CSNK1G2: variants seen among roughly 807,000 people sequenced by gnomAD.
CSNK1G2 encodes casein kinase I isoform gamma-2.
In CSNK1G2, 11 loss-of-function variants were observed where a neutral mutation model predicts 48.0. That is an observed-to-expected ratio of 0.23 (90% CI 0.14 to 0.38). The LOEUF is 0.38. Ranked by LOEUF, CSNK1G2 falls within the 10% of genes least tolerant of loss-of-function variation. The pLI is 1.00. For missense variants in CSNK1G2, 446 were observed against 595.5 expected (o/e 0.75, Z 2.61); for synonymous variants, 337 against 254.1 (o/e 1.33, Z -3.10).
chr19:1,975,624 C>T (rs904256880), intron 2 of CSNK1G2: 3 of 985,356 alleles, frequency 3.0e-6, no homozygotes, highest in Non-Finnish European at 3.6e-6. Context: ...GTGAATCCCA[C>T]CTCCGAAGGG....
At chr19:1,967,853 C>CCAT (rs2015420984) in intron 1 of CSNK1G2, among the ~76,000 whole-genome samples, 1 of 46,292 alleles carries the variant, frequency 2.2e-5, no homozygotes, top group African/African-American at 9.2e-5. Context: ...TGGGGCTCCT[C>CCAT]CCTCCTCCCT....
intron 1 of CSNK1G2, among the ~76,000 whole-genome samples, chr19:1,949,218 C>A (rs1203831792): frequency 6.6e-6 from 1 of 152,214 alleles, no homozygotes; most frequent in African/African-American, 2.4e-5. Flanking sequence ...GAGCCCTGGC[C>A]CCATCAGCAG....
Position 1,979,172 on chromosome 19 carries a change from G to T in CSNK1G2, c.692G>T (p.Arg231Leu). The T allele has an allele frequency of 6.5e-7, 1 of 1,527,776 alleles. No homozygotes were observed. 94.6% of individuals were successfully genotyped at this position (1,527,776 alleles called of 1,614,324 possible). A position where few individuals can be genotyped will look rare whatever the true frequency, so the allele number is the denominator to read the frequency against. ...GCCCCTGTCCCCGCAGAGCAGAGCCGCCGCGACGACCTGGAGGCGCTGGGC... is the reference window on the plus strand; with the variant it reads ...GCCCCTGTCCCCGCAGAGCAGAGCCTCCGCGACGACCTGGAGGCGCTGGGC... ...INTHLGKEQS[R>L]RDDLEALGHM... Residue 231 changes from arginine (R) to leucine (L), a missense_variant, in exon 7 of 12, where the codon CGC becomes CTC. Transcript: ENST00000255641.
At chr19:1,953,918 G>A (rs780098592) in intron 1 of CSNK1G2, 12 of 534,024 alleles carry the variant, frequency 2.2e-5, no homozygotes, top group East Asian at 1.1e-4. Context: ...CCTCGTGGGC[G>A]TCTCCGGTGC....
At position 1,968,583 on chromosome 19, in the gene CSNK1G2, C is replaced by T. The variant is rs897087272; in HGVS notation, c.-265-925C>T. Among the ~76,000 whole-genome samples the T allele has an allele frequency of 1.1e-4, 16 of 152,290 alleles. 1 individual carries two copies. In the South Asian group the frequency reaches 3.1e-3, roughly 30 times the overall value. On this transcript the variant is annotated intron_variant, in intron 1 of 11. Transcript: ENST00000255641. ...GCTCTGGGGCCCTCAGCTCTGGGCT[C>T]GGGAGCATTTAAGGTGGTGCAGACT... is the stretch of plus-strand genomic sequence containing the variant.
At chr19:1,974,322 G>A (rs180950913) in intron 2 of CSNK1G2, among the ~76,000 whole-genome samples, 10 of 152,132 alleles carry the variant, frequency 6.6e-5, no homozygotes, top group African/African-American at 2.2e-4. Context: ...AAGGCAGGAC[G>A]GCACAGACCG....
At chr19:1,955,535 G>T (rs1489165551) in intron 1 of CSNK1G2, among the ~76,000 whole-genome samples, 1 of 151,834 alleles carries the variant, frequency 6.6e-6, no homozygotes, top group Non-Finnish European at 1.5e-5. Flanking sequence ...CGCGGGGTGG[G>T]CGTGTGCCTG....
chr19:1,956,722 C>T (rs1037689839), intron 1 of CSNK1G2, among the ~76,000 whole-genome samples: 2 of 152,042 alleles, frequency 1.3e-5, no homozygotes, highest in African/African-American at 4.8e-5. Context: ...AAGGAGGTGG[C>T]GGTTACAGAC....
chr19:1,974,066 T>C (rs1226741967), intron 2 of CSNK1G2, among the ~76,000 whole-genome samples: 1 of 151,992 alleles, frequency 6.6e-6, no homozygotes, highest in Non-Finnish European at 1.5e-5. Flanking sequence ...TTTTGTATTT[T>C]CAGTAGAGAC....
intron 1 of CSNK1G2, among the ~76,000 whole-genome samples, chr19:1,961,347 C>T (rs1463136176): frequency 6.6e-6 from 1 of 152,224 alleles, no homozygotes; most frequent in African/African-American, 2.4e-5. Flanking sequence ...TTCCCCTACA[C>T]AGAGGCGTTG....
intron 1 of CSNK1G2, among the ~76,000 whole-genome samples, chr19:1,947,179 A>G (rs1395164595): frequency 6.6e-6 from 1 of 152,260 alleles, no homozygotes; most frequent in Non-Finnish European, 1.5e-5. Flanking sequence ...TCCCTCAATT[A>G]TCTGGAAACT....
Position 1,957,945 on chromosome 19 carries a change from C to G in CSNK1G2, c.-265-11563C>G, listed in dbSNP as rs1203194699. On this transcript the variant is annotated intron_variant, in intron 1 of 11. Coordinates refer to ENST00000255641, the MANE Select transcript of CSNK1G2 (RefSeq NM_001319.7). This position sits in a 1 kb window ranked among gnomAD's most constrained non-coding sequence, Gnocchi z 5.4. ...GCGGGGCACACGGCAGAGCCAGCCT[C>G]ATGTCACCACGTGCTTCCCCCGTGT... 6.6e-6 allele frequency among the ~76,000 whole-genome samples: 1 copy of G among 152,126 alleles called. No homozygotes were observed. The highest frequency in any genetic ancestry group is 1.5e-5 in the Non-Finnish European group (1 of 68,020).
intron 1 of CSNK1G2, among the ~76,000 whole-genome samples, chr19:1,950,391 G>A (rs962502564): frequency 3.4e-5 from 5 of 146,750 alleles, no homozygotes; most frequent in Non-Finnish European, 7.4e-5. Flanking sequence ...CGCCCTCCTC[G>A]GCCTCCCAAA....
intron 1 of CSNK1G2, among the ~76,000 whole-genome samples, chr19:1,966,506 A>T (rs1389145784): frequency 6.6e-6 from 1 of 152,206 alleles, no homozygotes; most frequent in Non-Finnish European, 1.5e-5. Context: ...CTCTAGTCCC[A>T]GTGAAGATTC....
chr19:1,952,124 C>G (rs1364858359), intron 1 of CSNK1G2, among the ~76,000 whole-genome samples: 1 of 152,146 alleles, frequency 6.6e-6, no homozygotes, highest in Admixed American at 6.5e-5. Context: ...CGGGGATAGC[C>G]CAACCCTTCT....
chr19:1,979,033 G>A lies in CSNK1G2; in HGVS notation c.622G>A (p.Glu208Lys), dbSNP rs55818316. 6.3e-7 allele frequency: 1 copy of A among 1,597,918 alleles called. No individual in the cohort carries two copies. Among genetic ancestry groups the A allele is most frequent in the Non-Finnish European group, 8.5e-7 (1 of 1,179,318 alleles). ...GACCAAGAAGCACATCCCGTACCGC[G>A]AGCACAAGAGCCTGACGGGCACGGC... ...PETKKHIPYR[E>K]HKSLTGTARY... The change falls in exon 6 of 12, where the codon GAG becomes AAG. Residue 208 changes from glutamate to lysine, a missense_variant. By Grantham distance (56) the Glu-to-Lys change is moderately conservative. This residue lies in a region of CSNK1G2 where 258 missense variants were observed against 415.9 expected (regional missense o/e 0.62). Transcript: ENST00000255641.
At position 1,961,529 on chromosome 19, in the gene CSNK1G2, T is replaced by C. The variant is rs1032085963; in HGVS notation, c.-265-7979T>C. On this transcript the variant is annotated intron_variant, in intron 1 of 11. Transcript: ENST00000255641. The stretch of plus-strand genomic sequence containing the variant: ...GGTGGTCCCAGGAGCTGGGCCTCAG[T>C]GGGGGATCCCAGGACAGTGGAGCCT... 4.6e-5 allele frequency among the ~76,000 whole-genome samples: 7 copies of C among 152,272 alleles called. No homozygotes were observed. In the East Asian group the frequency reaches 1.4e-3, roughly 29 times the overall value.
chr19:1,975,774 G>A (rs777910690), intron 2 of CSNK1G2: 195 of 985,208 alleles, frequency 2.0e-4, no homozygotes, highest in South Asian at 1.9e-4. Flanking sequence ...AGTGGCTCAC[G>A]CCTGTAATCC....
At chr19:1,967,847 GCTCCTCCCTCCTCCCTTCTCCCC>G (rs2015420633) in intron 1 of CSNK1G2, among the ~76,000 whole-genome samples, 1 of 46,808 alleles carries the variant, frequency 2.1e-5, no homozygotes, top group African/African-American at 9.5e-5. Flanking sequence ...TGCAGGTGGG[GCTCCTCCCTCCTCCCTTCTCCCC>G]AGGCTGCCCC....
Sources: gnomAD v4.1 joint callset for allele counts (sites outside exome capture counted in the v4.1 genomes callset) on GRCh38, gnomAD v4.1.1 for gene constraint, gnomAD v4.1.1 regional missense constraint, Gnocchi (gnomAD v3.1) non-coding constraint, MANE v1.5 for transcripts, NCBI Gene and HGNC (gene_info 2026-07-23, HGNC 2026-07-21) for gene names.